Variants in MYO9A observed in about 807,000 individuals in gnomAD.
MYO9A encodes unconventional myosin-IXa.
In MYO9A, 103 loss-of-function variants were observed where a neutral mutation model predicts 293.3. The ratio of observed to expected loss-of-function variants is 0.35; its 90% CI spans 0.30 to 0.41. The LOEUF (loss-of-function observed/expected upper bound fraction) is 0.41, where lower values mean the gene tolerates loss of function less well. Ranked by LOEUF, MYO9A falls within the 10% of genes least tolerant of loss-of-function variation. The probability of loss-of-function intolerance (pLI) is 1.00; values close to 1 mark genes in which losing one functional copy is unlikely to be tolerated. For missense variants in MYO9A, 2,685 were observed against 3,033.0 expected (o/e 0.89, Z 2.69); for synonymous variants, 1,001 against 1,035.7 (o/e 0.97, Z 0.64).
chr15:72,118,068 C>A lies in MYO9A; in HGVS notation c.-460G>T, dbSNP rs1243951184. On this transcript the variant is annotated 5_prime_UTR_variant, in exon 1 of 42. Coordinates refer to ENST00000356056, the MANE Select transcript of MYO9A (RefSeq NM_006901.4). ...GCCAACCGCCGCCGCGTCCCTTATC[C>A]GCTTCGGTCGCGCGCCCCCGACCCC... 1.3e-5 allele frequency: 5 copies of A among 395,020 alleles called. No individual in the cohort carries two copies. The highest frequency in any genetic ancestry group is 2.2e-5 in the Non-Finnish European group (5 of 223,730). The allele number at this position is 395,020 out of a possible 1,614,324, so 24.5% of individuals were successfully genotyped here.
At chr15:71,944,523 C>T (rs991267784) in intron 15 of MYO9A, among the ~76,000 whole-genome samples, 2 of 152,236 alleles carry the variant, frequency 1.3e-5, no homozygotes, top group South Asian at 2.1e-4. Flanking sequence ...TCAAAATTAA[C>T]TTACATGTAT....
chr15:71,887,850 T>C (rs1421444622), intron 27 of MYO9A, among the ~76,000 whole-genome samples, 154 bp downstream of exon 27: 1 of 152,144 alleles, frequency 6.6e-6, no homozygotes, highest in African/African-American at 2.4e-5. Flanking sequence ...CTATAAACAG[T>C]AGGTACTTAC....
At chr15:71,924,776 C>T (rs1469102938) in intron 18 of MYO9A, among the ~76,000 whole-genome samples, 3 of 151,776 alleles carry the variant, frequency 2.0e-5, no homozygotes, top group Admixed American at 6.6e-5. Flanking sequence ...AAAAAGTAGC[C>T]GGGTGTGGTG....
At chr15:72,034,620 A>T (rs999119933) in intron 2 of MYO9A, among the ~76,000 whole-genome samples, 1 of 152,210 alleles carries the variant, frequency 6.6e-6, no homozygotes, top group Non-Finnish European at 1.5e-5. Flanking sequence ...TCCACCATAG[A>T]AAGTTTTTTA....
In MYO9A at chr15:71,904,988, T is replaced by G. The variant is rs775834675; in HGVS notation, c.2704A>C (p.Met902Leu). The G allele has an allele frequency of 5.2e-5, 83 of 1,603,772 alleles. No homozygotes were observed. The highest frequency in any genetic ancestry group is 6.9e-5 in the Non-Finnish European group (81 of 1,173,288). Residue 902 changes from methionine (M) to leucine (L), a missense_variant, in exon 20 of 42, where the codon ATG (methionine) becomes CTG (leucine). By Grantham distance (15) the Met-to-Leu change is conservative. Transcript: ENST00000356056. ...GGTTCTGCTTGACCAAGTGTTTCCATTAGCTTGCTTAATGATGCCTGCAAC... is the reference window on the plus strand; with the variant it reads ...GGTTCTGCTTGACCAAGTGTTTCCAGTAGCTTGCTTAATGATGCCTGCAAC... ...AQFQASLSKLMETLGQAEPYF... is the reference protein window; with the variant it reads ...AQFQASLSKLLETLGQAEPYF...
intron 14 of MYO9A, chr15:71,959,158 C>T (rs1311985109): frequency 1.3e-5 from 2 of 152,140 alleles, no homozygotes; most frequent in Admixed American, 6.5e-5. Context: ...AACTATAATT[C>T]TCCCTATACA....
At chr15:71,962,888 G>C (rs556953567) in intron 13 of MYO9A, among the ~76,000 whole-genome samples, 8 of 152,228 alleles carry the variant, frequency 5.3e-5, no homozygotes, top group African/African-American at 1.9e-4. Flanking sequence ...GAAATAATCT[G>C]TCTTCATATT....
At chr15:71,926,817 C>T (rs989532228) in intron 18 of MYO9A, among the ~76,000 whole-genome samples, 4 of 152,200 alleles carry the variant, frequency 2.6e-5, no homozygotes, top group African/African-American at 9.7e-5. Flanking sequence ...GCCTGGCCCT[C>T]AGACCCTGCA....
At position 71,933,722 on chromosome 15, in the gene MYO9A, A is replaced by G; in HGVS notation, c.2523-13T>C. ...ATTTTTGTTTCTCCTATAGAGATAA[A>G]TCATTCATTAAAAAAAGCTACTGTA... On this transcript the variant is annotated splice_polypyrimidine_tract_variant and intron_variant, in intron 17 of 41. Coordinates refer to ENST00000356056, the MANE Select transcript of MYO9A (RefSeq NM_006901.4). 6.3e-7 allele frequency: 1 copy of G among 1,593,736 alleles called. No homozygotes were observed. Among genetic ancestry groups the G allele is most frequent in the Non-Finnish European group, 8.5e-7 (1 of 1,172,338 alleles).
intron 13 of MYO9A, among the ~76,000 whole-genome samples, chr15:71,963,868 G>A (rs2075806521): frequency 6.6e-6 from 1 of 152,210 alleles, no homozygotes; most frequent in Non-Finnish European, 1.5e-5. Flanking sequence ...AAGACCAGTA[G>A]TACATTTAAA....
At chr15:72,058,703 G>A (rs35554838) in intron 1 of MYO9A, among the ~76,000 whole-genome samples, 2,066 of 152,236 alleles carry the variant, frequency 0.014, 21 homozygotes, top group East Asian at 0.025. Context: ...AACAGTATAT[G>A]CTAACGAGGT....
intron 32 of MYO9A, among the ~76,000 whole-genome samples, chr15:71,863,586 T>C (rs1054672334): frequency 6.6e-6 from 1 of 152,182 alleles, no homozygotes; most frequent in Non-Finnish European, 1.5e-5. Context: ...ATATGCAGTT[T>C]AGTTTGAAAT....
intron 2 of MYO9A, among the ~76,000 whole-genome samples, chr15:72,035,933 A>C (rs2078033227): frequency 6.6e-6 from 1 of 150,616 alleles, no homozygotes; most frequent in South Asian, 2.1e-4. Context: ...AGAGGGTATG[A>C]AGATAAGGAG....
chr15:72,041,404 T>A, intron 2 of MYO9A: 1 of 425,978 alleles, frequency 2.3e-6, no homozygotes. Context: ...CTCTGAATAT[T>A]TGGAACATCC....
intron 1 of MYO9A, among the ~76,000 whole-genome samples, chr15:72,054,858 A>G (rs575833435): frequency 1.3e-5 from 2 of 151,892 alleles, no homozygotes; most frequent in Non-Finnish European, 2.9e-5. Flanking sequence ...GCAAGACTAA[A>G]TGAGATTAAG....
In MYO9A at chr15:71,862,407, A is replaced by G. The variant is rs571102146; in HGVS notation, c.6091+93T>C. On this transcript the variant is annotated intron_variant, in intron 33 of 41. Transcript: ENST00000356056. ...GAGGTTAAAAATTTAGGTAGTGTAA[A>G]TAACTCCTTTATGTTAAAGGAGATA... 8.3e-6 allele frequency: 8 copies of G among 963,694 alleles called. No individual in the cohort carries two copies. In the East Asian group the frequency reaches 9.9e-5, roughly 12 times the overall value. 59.7% of individuals were successfully genotyped at this position (963,694 alleles called of 1,614,324 possible). A position where few individuals can be genotyped will look rare whatever the true frequency, so the allele number is the denominator to read the frequency against.
At chr15:72,060,205 T>C (rs1306484727) in intron 1 of MYO9A, among the ~76,000 whole-genome samples, 1 of 152,174 alleles carries the variant, frequency 6.6e-6, no homozygotes, top group African/African-American at 2.4e-5. Flanking sequence ...CAGTCTTCTT[T>C]TTCCCCTTCC....
rs922491916 is a variant in MYO9A at position 71,898,364 on chromosome 15, G to A, written c.4139C>T (p.Thr1380Ile). Reference sequence around the variant, plus strand: ...ATCCTTCAAATGCTCTGCACTGCTAGTCTCATTTGAGGCACTGAGGGCATT... The same window carrying A: ...ATCCTTCAAATGCTCTGCACTGCTAATCTCATTTGAGGCACTGAGGGCATT... ...RDNALSASNE[T>I]SSAEHLKDGT... The change falls in exon 25 of 42, where the codon ACT becomes ATT. Residue 1380 changes from threonine (T) to isoleucine (I), a missense_variant. Coordinates refer to ENST00000356056, the MANE Select transcript of MYO9A (RefSeq NM_006901.4). 1 of 1,613,404 alleles carries A rather than the reference G, an allele frequency of 6.2e-7. No homozygotes were observed. The highest frequency in any genetic ancestry group is 1.3e-5 in the African/African-American group (1 of 74,916).
chr15:71,956,803 C>CTA (rs564359419), intron 14 of MYO9A, among the ~76,000 whole-genome samples: 22 of 145,804 alleles, frequency 1.5e-4, no homozygotes, highest in Middle Eastern at 7.4e-3. Context: ...TATATGTATG[C>CTA]TATATATATA....
Sources: allele counts gnomAD v4.1 joint callset (sites outside exome capture counted in the v4.1 genomes callset), GRCh38; gene constraint gnomAD v4.1.1; transcripts MANE v1.5; gene names NCBI Gene and HGNC (gene_info 2026-07-23, HGNC 2026-07-21).